The following EMID1 variants were observed in gnomAD, a reference collection of about 807,000 sequenced individuals.
EMID1 encodes EMI domain containing 1.
EMID1 carries 40 observed loss-of-function variants against 60.6 expected under a neutral mutation model. The ratio of observed to expected loss-of-function variants is 0.66; its 90% CI spans 0.51 to 0.86. The LOEUF is 0.86. EMID1 is among the 40% of genes least tolerant of loss of function. The probability of loss-of-function intolerance (pLI) is 0.00; values close to 1 mark genes in which losing one functional copy is unlikely to be tolerated. For synonymous variants in EMID1, 242 were observed against 231.0 expected, an observed-to-expected ratio of 1.05 and a Z score of -0.43; for missense variants, 585 against 597.1, an observed-to-expected ratio of 0.98 and a Z score of 0.21.
In EMID1 at chr22:29,232,396, C is replaced by A; in HGVS notation, c.817C>A (p.Gln273Lys). ...PVGPPHARIS[Q>K]HGDPLLSNTF... ...TGGGCCACCCCATGCCCGGATCTCC[C>A]AGCATGGTGAGTCCCCCTGGGATCC... The change falls in exon 8 of 15, where the codon CAG becomes AAG. Residue 273 changes from glutamine (Q) to lysine (K), a missense_variant. Transcript: ENST00000334018. The A allele has an allele frequency of 6.3e-7, 1 of 1,577,852 alleles. No individual in the cohort carries two copies. The highest frequency in any genetic ancestry group is 8.6e-7 in the Non-Finnish European group (1 of 1,164,430).
At chr22:29,207,836 C>T (rs1224310250) in intron 1 of EMID1, among the ~76,000 whole-genome samples, 1 of 152,202 alleles carries the variant, frequency 6.6e-6, no homozygotes, top group Admixed American at 6.5e-5. Context: ...TTTTTCTCTC[C>T]AGCAGCCTTG....
rs577428935 is a variant in EMID1 at position 29,255,121 on chromosome 22, G to A, written c.1204+834G>A. On this transcript the variant is annotated intron_variant, in intron 14 of 14. Coordinates refer to ENST00000334018, the MANE Select transcript of EMID1 (RefSeq NM_133455.4). ...GGCCAGCCCTGTCCCCACCATAGGA[G>A]GGGAAACTGAGGTCTCAGTACTGAG... 6.3e-5 allele frequency: 30 copies of A among 476,434 alleles called. No homozygotes were observed. The East Asian group carries it at 8.8e-4, about 14-fold the overall frequency. 29.5% of individuals were successfully genotyped at this position (476,434 alleles called of 1,614,324 possible).
Position 29,231,613 on chromosome 22 carries a change from C to T in EMID1, c.607C>T (p.Leu203Phe). 3 of 1,525,502 alleles carry T rather than the reference C, an allele frequency of 2.0e-6. No individual in the cohort carries two copies. The highest frequency in any genetic ancestry group is 2.6e-6 in the Non-Finnish European group (3 of 1,133,184). 94.5% of individuals were successfully genotyped at this position (1,525,502 alleles called of 1,614,324 possible). A position where few individuals can be genotyped will look rare whatever the true frequency, so the allele number is the denominator to read the frequency against. ...GLQDQVGAWG[L>F]PGPTGPKGDA... is the part of the protein sequence containing the mutation. ...CCCAGACCAAGTCGGTGCTTGGGGG[C>T]TTCCCGGGCCCACCGGCCCCAAGGG... The change falls in exon 7 of 15, where the codon CTT becomes TTT. Residue 203 changes from leucine to phenylalanine, a missense_variant. Leu to Phe is a conservative substitution (Grantham distance 22, BLOSUM62 0). Transcript: ENST00000334018.
In EMID1 at chr22:29,205,897, C is replaced by G. The variant is rs1464755477; in HGVS notation, c.-142C>G. 8.4e-6 allele frequency: 2 copies of G among 238,676 alleles called. No homozygotes were observed. The highest frequency in any genetic ancestry group is 1.3e-5 in the Non-Finnish European group (2 of 149,446). 14.8% of individuals were successfully genotyped at this position (238,676 alleles called of 1,614,324 possible). On this transcript the variant is annotated 5_prime_UTR_variant, in exon 1 of 15. Transcript: ENST00000334018. Reference sequence around the variant, plus strand: ...GCGCGCCCCCGCCCCCGCCCGCCCGCCTCCTGCCCGCCCTCCGGCCGCGGA... The same window carrying G: ...GCGCGCCCCCGCCCCCGCCCGCCCGGCTCCTGCCCGCCCTCCGGCCGCGGA...
chr22:29,244,467 G>A (rs1477806689), intron 13 of EMID1, among the ~76,000 whole-genome samples: 1 of 151,824 alleles, frequency 6.6e-6, no homozygotes, highest in African/African-American at 2.4e-5. Context: ...TAGCCTTAAA[G>A]GTTTGGGCTA....
chr22:29,253,065 G>T (rs1026038121), intron 13 of EMID1, among the ~76,000 whole-genome samples: 1 of 152,196 alleles, frequency 6.6e-6, no homozygotes, highest in African/African-American at 2.4e-5. Context: ...CTTTACAATT[G>T]TGCGAAAGCA....
At chr22:29,216,754 G>T (rs1601913836) in intron 3 of EMID1, 2 of 748,940 alleles carry the variant, frequency 2.7e-6, no homozygotes, top group African/African-American at 3.8e-5. Flanking sequence ...CACGGCCATG[G>T]GGATGGGGTT....
At chr22:29,257,756 A>G (rs1003037241) in intron 14 of EMID1, among the ~76,000 whole-genome samples, 1 of 152,238 alleles carries the variant, frequency 6.6e-6, no homozygotes, top group African/African-American at 2.4e-5. Context: ...AAATGGGACT[A>G]TTATGCCCAC....
At chr22:29,253,795 T>A in intron 13 of EMID1, 1 of 457,038 alleles carries the variant, frequency 2.2e-6, no homozygotes, top group Non-Finnish European at 2.9e-6. Context: ...AGCATATAGG[T>A]GGCCAAGAGA....
intron 12 of EMID1, among the ~76,000 whole-genome samples, chr22:29,241,134 T>G (rs1246113192): frequency 6.6e-6 from 1 of 152,160 alleles, no homozygotes; most frequent in Non-Finnish European, 1.5e-5. Context: ...TTTTTAACCC[T>G]AAGACTGGTC....
rs1346999707 is a variant in EMID1, at chr22:29,255,353, T to A, written c.1204+1066T>A. ...CGGGTCACCCTCCTGGAAGCCATCA[T>A]CTGGCCAGGTAATGGCAGGGCGGGC... On this transcript the variant is annotated intron_variant, in intron 14 of 14. Coordinates refer to ENST00000334018, the MANE Select transcript of EMID1 (RefSeq NM_133455.4). 2.0e-6 allele frequency: 3 copies of A among 1,500,910 alleles called. No homozygotes were observed. The Admixed American group carries it at 6.2e-5, about 31-fold the overall frequency. 93.0% of individuals were successfully genotyped at this position (1,500,910 alleles called of 1,614,324 possible).
intron 4 of EMID1, 37 bp downstream of exon 4, chr22:29,225,253 C>T: frequency 6.2e-7 from 1 of 1,608,022 alleles, no homozygotes; most frequent in Non-Finnish European, 8.5e-7. Context: ...TCCCCCTGGG[C>T]TGAGGGAGCC....
chr22:29,225,070 G>A (rs1178003071), intron 3 of EMID1, 63 bp from the exon 4 acceptor site: 29 of 1,554,076 alleles, frequency 1.9e-5, no homozygotes, highest in Non-Finnish European at 2.5e-5. Flanking sequence ...TACAGTGGTG[G>A]GCAGGGGGGC....
chr22:29,242,154 A>G (rs959977168), intron 12 of EMID1, among the ~76,000 whole-genome samples: 7 of 152,056 alleles, frequency 4.6e-5, no homozygotes, highest in Non-Finnish European at 1.0e-4. Flanking sequence ...TCCTGGCCTC[A>G]AGCTATCCTC....
intron 1 of EMID1, among the ~76,000 whole-genome samples, chr22:29,206,660 G>A (rs941421614): frequency 6.6e-6 from 1 of 152,222 alleles, no homozygotes; most frequent in Non-Finnish European, 1.5e-5. Context: ...TTTGGACAGA[G>A]AAAAGAGGGA....
At chr22:29,231,447 C>G (rs1459245170) in intron 6 of EMID1, 146 bp from the exon 7 acceptor site, 1 of 915,032 alleles carries the variant, frequency 1.1e-6, no homozygotes, top group Admixed American at 2.0e-5. Flanking sequence ...TGCCTACCCC[C>G]CCCACCCCAG....
At chr22:29,253,163 G>C (rs373201940) in intron 13 of EMID1, among the ~76,000 whole-genome samples, 7 of 152,126 alleles carry the variant, frequency 4.6e-5, no homozygotes, top group African/African-American at 1.7e-4. Flanking sequence ...GCACTTTTTT[G>C]GCCAGGGATG....
At chr22:29,245,129 C>T (rs997121733) in intron 13 of EMID1, among the ~76,000 whole-genome samples, 1 of 152,130 alleles carries the variant, frequency 6.6e-6, no homozygotes, top group Non-Finnish European at 1.5e-5. Flanking sequence ...GCTACCTCTC[C>T]AGTTAGCCTC....
intron 3 of EMID1, among the ~76,000 whole-genome samples, chr22:29,224,062 C>T (rs2040402455): frequency 6.6e-6 from 1 of 152,256 alleles, no homozygotes; most frequent in Admixed American, 6.5e-5. Flanking sequence ...CCCCCTGTGC[C>T]TGGGCAAGTC....
Sources: gnomAD v4.1 joint callset for allele counts (sites outside exome capture counted in the v4.1 genomes callset) on GRCh38, gnomAD v4.1.1 for gene constraint, MANE v1.5 for transcripts, NCBI Gene and HGNC (gene_info 2026-07-23, HGNC 2026-07-21) for gene names.